Variants in PHTF1 observed in about 807,000 individuals in gnomAD.
PHTF1 encodes protein PHTF1.
PHTF1 carries 88 observed loss-of-function variants against 102.4 expected under a neutral mutation model. The ratio of observed to expected loss-of-function variants is 0.86; its 90% CI spans 0.72 to 1.03. The LOEUF (loss-of-function observed/expected upper bound fraction) is 1.03. PHTF1 is among the 50% of genes least tolerant of loss of function. The pLI is 0.00. For synonymous variants in PHTF1, 289 were observed against 305.2 expected (o/e 0.95, Z 0.55); for missense variants, 814 against 909.5 (o/e 0.89, Z 1.35).
chr1:113,753,480 G>A (rs1355200169), intron 3 of PHTF1, among the ~76,000 whole-genome samples: 1 of 151,436 alleles, frequency 6.6e-6, no homozygotes. Context: ...CCAGGCTGGA[G>A]TGCAATGCAT....
chr1:113,758,607 C>CT (rs1659243766), intron 2 of PHTF1, 52 bp downstream of exon 2: 2 of 1,100,538 alleles, frequency 1.8e-6, no homozygotes, highest in East Asian at 5.6e-5. Flanking sequence ...TTTGTGGGAG[C>CT]TTTTTGCAGG....
At chr1:113,717,950 T>C (rs1035635799) in intron 7 of PHTF1, among the ~76,000 whole-genome samples, 1 of 152,068 alleles carries the variant, frequency 6.6e-6, no homozygotes, top group African/African-American at 2.4e-5. Flanking sequence ...ACAAACCTCA[T>C]GTCCTCACAT....
intron 5 of PHTF1, among the ~76,000 whole-genome samples, chr1:113,726,953 G>C (rs957305386): frequency 6.6e-6 from 1 of 152,034 alleles, no homozygotes; most frequent in Non-Finnish European, 1.5e-5. Context: ...ATTGAACCCA[G>C]GTAGTCAGGC....
At chr1:113,699,035 CA>C in intron 17 of PHTF1, 1 of 161,494 alleles carries the variant, frequency 6.2e-6, no homozygotes, top group Non-Finnish European at 1.3e-5. Context: ...GAGATGGCAT[CA>C]AAGGTGCCCT....
intron 18 of PHTF1, 133 bp downstream of exon 18, chr1:113,698,129 T>C: frequency 1.4e-6 from 1 of 698,478 alleles, no homozygotes. Context: ...TTTCTTTACC[T>C]CAAGAGTTAT....
chr1:113,709,086 C>T (rs1650657685), intron 11 of PHTF1, among the ~76,000 whole-genome samples: 1 of 151,924 alleles, frequency 6.6e-6, no homozygotes, highest in Non-Finnish European at 1.5e-5. Context: ...GCGACCCTGT[C>T]TCTACAAAAA....
At chr1:113,750,596 C>T (rs529407380) in intron 3 of PHTF1, among the ~76,000 whole-genome samples, 3 of 152,204 alleles carry the variant, frequency 2.0e-5, no homozygotes, top group Admixed American at 6.5e-5. Flanking sequence ...TGGTGGCTCA[C>T]GCCTGTAATC....
In PHTF1 at chr1:113,698,327, T is replaced by A. The variant is rs766180012; in HGVS notation, c.2203A>T (p.Thr735Ser). 3 of 1,607,524 alleles carry A rather than the reference T, an allele frequency of 1.9e-6. No individual in the cohort carries two copies. In the South Asian group the frequency reaches 3.3e-5, roughly 18 times the overall value. Residue 735 changes from threonine (T) to serine (S), a missense_variant, in exon 18 of 19, where the codon ACA becomes TCA. Physicochemically the swap from Thr to Ser is moderately conservative, Grantham distance 58 (BLOSUM62 1). Coordinates refer to ENST00000369604, the MANE Select transcript of PHTF1 (RefSeq NM_001323043.2). ...LTMNPLIYNITRVVILSAVSG... is the reference protein window; with the variant it reads ...LTMNPLIYNISRVVILSAVSG... ...ACAGCAGAAAGGATAACTACTCTTG[T>A]GATATTGTAGATTAAGGGATTCATT...
intron 3 of PHTF1, among the ~76,000 whole-genome samples, chr1:113,739,238 TA>T (rs1312119759): frequency 6.6e-6 from 1 of 152,220 alleles, no homozygotes; most frequent in Non-Finnish European, 1.5e-5. Context: ...ACTTTAATCC[TA>T]AAGCTCCTTA....
chr1:113,736,448 A>C (rs2101582372), intron 5 of PHTF1, among the ~76,000 whole-genome samples: 1 of 150,718 alleles, frequency 6.6e-6, no homozygotes, highest in East Asian at 2.0e-4. Context: ...GAAAAGCCTT[A>C]AGAATGCTTT....
At chr1:113,721,491 C>A (rs1035105597) in intron 7 of PHTF1, among the ~76,000 whole-genome samples, 3 of 152,102 alleles carry the variant, frequency 2.0e-5, no homozygotes, top group Non-Finnish European at 4.4e-5. Context: ...CAACATAGTA[C>A]TAGAAGTCCT....
intron 3 of PHTF1, among the ~76,000 whole-genome samples, chr1:113,757,303 G>A (rs1319536729): frequency 6.6e-6 from 1 of 152,146 alleles, no homozygotes; most frequent in Non-Finnish European, 1.5e-5. Flanking sequence ...GGAAGAGAAG[G>A]AAGAGTCTCT....
chr1:113,711,987 C>T lies in PHTF1; in HGVS notation c.910G>A (p.Glu304Lys). 6.2e-7 allele frequency: 1 copy of T among 1,614,052 alleles called. No homozygotes were observed. Among genetic ancestry groups the T allele is most frequent in the Non-Finnish European group, 8.5e-7 (1 of 1,179,922 alleles). ...VEGASSDNGCEVKNRKSILSR... is the reference protein window; with the variant it reads ...VEGASSDNGCKVKNRKSILSR... Reference sequence around the variant, plus strand: ...AGTATTGATTTTCTATTCTTAACTTCACAACCATTGTCACTTGAGGCCCCT... The same window carrying T: ...AGTATTGATTTTCTATTCTTAACTTTACAACCATTGTCACTTGAGGCCCCT... The change falls in exon 9 of 19, where the codon GAA becomes AAA. Residue 304 changes from glutamate (E) to lysine (K), a missense_variant. Physicochemically the swap from Glu to Lys is moderately conservative, Grantham distance 56 (BLOSUM62 1). Transcript: ENST00000369604.
intron 7 of PHTF1, among the ~76,000 whole-genome samples, chr1:113,722,163 A>G (rs1653052187): frequency 6.6e-6 from 1 of 151,758 alleles, no homozygotes; most frequent in South Asian, 2.1e-4. Context: ...GAAATTGAAG[A>G]GAACGCAGCC....
rs1485926218 is a variant in PHTF1, at chr1:113,706,292, T to G, written c.1399-130A>C. ...GTATAAATACAAATGACATACAGAT[T>G]TATGACTTTCAAATCTTATTAAAAA... On this transcript the variant is annotated intron_variant, in intron 12 of 18. Transcript: ENST00000369604. 1.1e-5 allele frequency: 9 copies of G among 846,858 alleles called. No individual in the cohort carries two copies. In the African/African-American group the frequency reaches 1.4e-4, roughly 13 times the overall value. The allele number at this position is 846,858 out of a possible 1,614,324, so 52.5% of individuals were successfully genotyped here.
intron 17 of PHTF1, 131 bp downstream of exon 17, chr1:113,699,573 T>C (rs1649214870): frequency 3.0e-6 from 2 of 674,388 alleles, no homozygotes; most frequent in African/African-American, 1.8e-5. Flanking sequence ...CTACCCCTGA[T>C]GCCACTGTGG....
chr1:113,710,826 T>G (rs1650985435), intron 10 of PHTF1, among the ~76,000 whole-genome samples: 1 of 131,302 alleles, frequency 7.6e-6, no homozygotes, highest in South Asian at 2.4e-4. Flanking sequence ...TTTTTTTTTT[T>G]GTAAAGATGT....
intron 3 of PHTF1, among the ~76,000 whole-genome samples, chr1:113,740,553 A>G (rs1239510780): frequency 6.6e-6 from 1 of 152,082 alleles, no homozygotes; most frequent in East Asian, 1.9e-4. Flanking sequence ...TGCTGTGCAG[A>G]AGCTTTCTAG....
chr1:113,708,194 AG>A (rs1243240237), intron 11 of PHTF1, among the ~76,000 whole-genome samples: 1 of 152,258 alleles, frequency 6.6e-6, no homozygotes, highest in Non-Finnish European at 1.5e-5. Flanking sequence ...TGAAAGGAAC[AG>A]AGGCAACCCT....
Sources: gnomAD v4.1 joint callset for allele counts (sites outside exome capture counted in the v4.1 genomes callset) on GRCh38, gnomAD v4.1.1 for gene constraint, MANE v1.5 for transcripts, NCBI Gene and HGNC (gene_info 2026-07-23, HGNC 2026-07-21) for gene names.